The following DLGAP3 variants were observed in gnomAD, a reference collection of about 807,000 sequenced individuals.
DLGAP3 encodes the protein disks large-associated protein 3.
Under a neutral mutation model 81.2 loss-of-function variants are expected in DLGAP3, and 17 were observed. The ratio of observed to expected loss-of-function variants is 0.21; its 90% confidence interval spans 0.14 to 0.31. DLGAP3 has a LOEUF of 0.31. DLGAP3 is among the 10% of genes least tolerant of loss of function. DLGAP3 has a pLI of 1.00. For synonymous variants in DLGAP3, 577 were observed against 587.4 expected, an observed-to-expected ratio of 0.98 and a Z score of 0.26; for missense variants, 1,124 against 1,388.0, an observed-to-expected ratio of 0.81 and a Z score of 3.02.
chr1:34,919,075 A>G (rs562535173), intron 1 of DLGAP3, among the ~76,000 whole-genome samples: 1 of 152,010 alleles, frequency 6.6e-6, no homozygotes, highest in Non-Finnish European at 1.5e-5. Flanking sequence ...TTTCGGCCCA[A>G]CCCCCATGCT....
At position 34,904,763 on chromosome 1, in the gene DLGAP3, T is replaced by C. The variant is rs202011288; in HGVS notation, c.621A>G (p.Gly207=). Residue 207 remains glycine, a synonymous_variant, in exon 3 of 12, where the codon GGA becomes GGG. Transcript: ENST00000373347. The surrounding 1 kb of genome is among the most constrained non-coding windows in gnomAD (Gnocchi z 8.1). ...GPKAEGRGGS[G]GDSYPGPGSG... is the part of the protein sequence containing the mutation. ...AGCCCGGGCCGGGGTAGCTGTCTCCTCCAGAGCCACCTCTTCCCTCAGCCT... is the reference window on the plus strand; with the variant it reads ...AGCCCGGGCCGGGGTAGCTGTCTCCCCCAGAGCCACCTCTTCCCTCAGCCT... The C allele has an allele frequency of 2.6e-4, 411 of 1,611,294 alleles. 3 individuals are homozygous for C. The highest frequency in any genetic ancestry group is 1.3e-3 in the Middle Eastern group (8 of 6,036).
At chr1:34,918,719 C>T (rs540268558) in intron 1 of DLGAP3, among the ~76,000 whole-genome samples, 45 of 152,284 alleles carry the variant, frequency 3.0e-4, no homozygotes, top group African/African-American at 1.1e-3. Context: ...GAGAGGGAGA[C>T]GCCTGAGCAT....
intron 8 of DLGAP3, among the ~76,000 whole-genome samples, chr1:34,876,335 G>A (rs549814403): frequency 2.0e-4 from 31 of 152,354 alleles, no homozygotes; most frequent in Middle Eastern, 6.8e-3. Context: ...ACCCTGAAAG[G>A]CAGAAGAGAA....
chr1:34,881,203 G>A (rs1639138342), intron 8 of DLGAP3, among the ~76,000 whole-genome samples: 1 of 152,114 alleles, frequency 6.6e-6, no homozygotes, highest in Non-Finnish European at 1.5e-5. Context: ...ATCTAATACT[G>A]TATATAAAAA....
chr1:34,881,832 T>C (rs1403336665), intron 8 of DLGAP3, among the ~76,000 whole-genome samples: 2 of 152,234 alleles, frequency 1.3e-5, no homozygotes, highest in Non-Finnish European at 2.9e-5. Context: ...ATTTCACTCA[T>C]ATTTTCTATT....
Position 34,900,257 on chromosome 1 carries a change from C to A in DLGAP3, c.1124G>T (p.Trp375Leu), listed in dbSNP as rs267598571. 1.9e-6 allele frequency: 3 copies of A among 1,614,036 alleles called. No individual in the cohort carries two copies. The highest frequency in any genetic ancestry group is 3.3e-5 in the Admixed American group (2 of 60,036). Residue 375 changes from tryptophan (W) to leucine (L), a missense_variant, in exon 4 of 12, where the codon TGG becomes TTG. Physicochemically the swap from Trp to Leu is moderately conservative, Grantham distance 61. Transcript: ENST00000373347. The surrounding 1 kb of genome is among the most constrained non-coding windows in gnomAD (Gnocchi z 5.6). Reference protein sequence around the residue: ...YHYLQVPQDDWGGYPTGGKDG... With the variant: ...YHYLQVPQDDLGGYPTGGKDG... ...CTTGCCACCGGTGGGGTAACCCCCC[C>A]AGTCATCTTGCGGCACCTGCAGGAA...
At chr1:34,896,226 C>G (rs1390156972) in intron 5 of DLGAP3, among the ~76,000 whole-genome samples, 2 of 152,024 alleles carry the variant, frequency 1.3e-5, no homozygotes, top group African/African-American at 2.4e-5. Context: ...TTCTAGCCTC[C>G]AGAATTGTGA....
chr1:34,919,022 C>T (rs1225727641), intron 1 of DLGAP3, among the ~76,000 whole-genome samples: 2 of 152,148 alleles, frequency 1.3e-5, no homozygotes, highest in East Asian at 1.9e-4. Context: ...TGGGCAGAGT[C>T]GTTGCCATGA....
chr1:34,928,254 C>T (rs779100606), intron 1 of DLGAP3, among the ~76,000 whole-genome samples: 39 of 152,122 alleles, frequency 2.6e-4, no homozygotes, highest in East Asian at 1.9e-4. Flanking sequence ...TCTGGGAGAG[C>T]GCCACCTGCT....
At chr1:34,872,119 G>A (rs1229473282) in intron 8 of DLGAP3, among the ~76,000 whole-genome samples, 5 of 152,120 alleles carry the variant, frequency 3.3e-5, no homozygotes, top group Admixed American at 2.0e-4. Flanking sequence ...GGGTGGAGAC[G>A]GTGCAGCTCA....
Position 34,900,456 on chromosome 1 carries a change from G to A in DLGAP3, c.1108-183C>T, listed in dbSNP as rs1301607698. Reference sequence around the variant, plus strand: ...CCCCGTCCCTTACAAGAGACACCTCGTCATCCTCCACAGACCTTCTGCACT... The same window carrying A: ...CCCCGTCCCTTACAAGAGACACCTCATCATCCTCCACAGACCTTCTGCACT... On this transcript the variant is annotated intron_variant, in intron 3 of 11. Coordinates refer to ENST00000373347, the MANE Select transcript of DLGAP3 (RefSeq NM_001080418.3). The surrounding 1 kb of genome is among the most constrained non-coding windows in gnomAD (Gnocchi z 5.6). Among the ~76,000 whole-genome samples the A allele has an allele frequency of 1.3e-5, 2 of 152,206 alleles. No homozygotes were observed. Among genetic ancestry groups the A allele is most frequent in the Non-Finnish European group, 2.9e-5 (2 of 68,038 alleles).
At chr1:34,871,791 G>A (rs896613469) in intron 8 of DLGAP3, among the ~76,000 whole-genome samples, 3 of 152,078 alleles carry the variant, frequency 2.0e-5, no homozygotes, top group South Asian at 2.1e-4. Flanking sequence ...ATTCCATCGC[G>A]ATGGAAACAG....
At chr1:34,879,548 T>C (rs1208951819) in intron 8 of DLGAP3, among the ~76,000 whole-genome samples, 4 of 152,202 alleles carry the variant, frequency 2.6e-5, no homozygotes, top group East Asian at 1.9e-4. Flanking sequence ...ATACATGATA[T>C]ATATACATAT....
Position 34,867,324 on chromosome 1 carries a change from G to T in DLGAP3, c.2578-133C>A. On this transcript the variant is annotated intron_variant, in intron 10 of 11. Transcript: ENST00000373347. The surrounding 1 kb of genome is among the most constrained non-coding windows in gnomAD (Gnocchi z 4.3). ...GAGAGTGGGTGGGGGCTGGGAGACA[G>T]GGGGACAAGAGCGAGCCCAGGACTC... is the stretch of plus-strand genomic sequence containing the variant. 1 of 1,375,876 alleles carries T rather than the reference G, an allele frequency of 7.3e-7. No homozygotes were observed. The highest frequency in any genetic ancestry group is 1.0e-6 in the Non-Finnish European group (1 of 974,054). The allele number at this position is 1,375,876 out of a possible 1,614,324, so 85.2% of individuals were successfully genotyped here.
intron 8 of DLGAP3, among the ~76,000 whole-genome samples, chr1:34,874,084 CCCTT>C (rs1373616628): frequency 6.6e-6 from 1 of 152,164 alleles, no homozygotes; most frequent in Non-Finnish European, 1.5e-5. Flanking sequence ...AGGGGGTATG[CCCTT>C]CCTTGTCTCT....
chr1:34,882,023 T>C (rs1639153600), intron 8 of DLGAP3, among the ~76,000 whole-genome samples: 1 of 152,082 alleles, frequency 6.6e-6, no homozygotes, highest in Admixed American at 6.5e-5. Flanking sequence ...GAAAAATAAA[T>C]GAAAATACAG....
intron 1 of DLGAP3, among the ~76,000 whole-genome samples, chr1:34,911,213 A>C (rs1160131917): frequency 1.3e-5 from 2 of 152,170 alleles, no homozygotes; most frequent in Non-Finnish European, 2.9e-5. Flanking sequence ...ATTCAACGCC[A>C]TTCTGAAGTG....
Position 34,866,309 on chromosome 1 carries a change from G to C in DLGAP3, c.2722-8C>G. The C allele has an allele frequency of 6.6e-7, 1 of 1,511,066 alleles. No homozygotes were observed. The highest frequency in any genetic ancestry group is 2.5e-5 in the East Asian group (1 of 40,274). The allele number at this position is 1,511,066 out of a possible 1,614,324, so 93.6% of individuals were successfully genotyped here. A position where few individuals can be genotyped will look rare whatever the true frequency, so the allele number is the denominator to read the frequency against. ...AGGGACCTTCTTCTCCTCCTGCGGGGCAGAGGGCGTCGCTGAGCTGGGGCG... is the reference window on the plus strand; with the variant it reads ...AGGGACCTTCTTCTCCTCCTGCGGGCCAGAGGGCGTCGCTGAGCTGGGGCG... On this transcript the variant is annotated splice_polypyrimidine_tract_variant and splice_region_variant and intron_variant, in intron 11 of 11. Transcript: ENST00000373347.
At chr1:34,901,868 G>GCGAC (rs1299875884) in intron 3 of DLGAP3, among the ~76,000 whole-genome samples, 4 of 152,218 alleles carry the variant, frequency 2.6e-5, no homozygotes, top group Non-Finnish European at 5.9e-5. Flanking sequence ...TAGGATGCAA[G>GCGAC]CGACTTTGGA....
Sources: gnomAD v4.1 joint callset for allele counts (sites outside exome capture counted in the v4.1 genomes callset) on GRCh38, gnomAD v4.1.1 for gene constraint, Gnocchi (gnomAD v3.1) non-coding constraint, MANE v1.5 for transcripts, NCBI Gene and HGNC (gene_info 2026-07-23, HGNC 2026-07-21) for gene names.